The following DSG4 variants were observed in gnomAD, a reference collection of about 807,000 sequenced individuals.
The protein encoded by DSG4 is desmoglein-4.
DSG4 carries 87 observed loss-of-function variants against 93.1 expected under a neutral mutation model. The observed-to-expected ratio is 0.93, with a 90% confidence interval of 0.79 to 1.12. The LOEUF (loss-of-function observed/expected upper bound fraction) is 1.12, where lower values mean the gene tolerates loss of function less well. DSG4 is among the 50% of genes most tolerant of loss of function. The pLI, the probability that DSG4 is intolerant of heterozygous loss-of-function variation, is 0.00. For missense variants in DSG4, 1,373 were observed against 1,285.7 expected, an observed-to-expected ratio of 1.07 and a Z score of -1.04; for synonymous variants, 432 against 452.9, an observed-to-expected ratio of 0.95 and a Z score of 0.59.
intron 10 of DSG4, among the ~76,000 whole-genome samples, chr18:31,401,945 A>G (rs2072372811): frequency 6.6e-6 from 1 of 152,206 alleles, no homozygotes; most frequent in Non-Finnish European, 1.5e-5. Flanking sequence ...TGTGGCGGGT[A>G]AATTTTAACG....
chr18:31,403,736 C>T (rs1218103870), intron 11 of DSG4, 102 bp downstream of exon 11: 2 of 1,040,482 alleles, frequency 1.9e-6, no homozygotes, highest in Non-Finnish European at 2.9e-6. Context: ...ACTTCTGTTT[C>T]CACAGTTCTT....
chr18:31,385,167 T>C lies in DSG4; in HGVS notation c.80T>C (p.Val27Ala), dbSNP rs369208184. The C allele has an allele frequency of 3.4e-5, 54 of 1,589,104 alleles. No individual in the cohort carries two copies. The highest frequency in any genetic ancestry group is 4.4e-5 in the Non-Finnish European group (51 of 1,163,008). Residue 27 changes from valine (V) to alanine (A), a missense_variant, in exon 2 of 16, where the codon GTT (valine) becomes GCT (alanine). By Grantham distance (64) the Val-to-Ala change is moderately conservative. Transcript: ENST00000308128. ...ATGGAAGTAAACAGTGAATTTATTG[T>C]TGAGGTAATGTAAAATAAAATTATT... ...VVMEVNSEFI[V>A]EVKEFDIENG...
At chr18:31,400,840 T>G (rs768979719) in intron 9 of DSG4, 41 bp from the exon 10 acceptor site, 2 of 1,604,778 alleles carry the variant, frequency 1.2e-6, no homozygotes, top group South Asian at 2.2e-5. Context: ...AGTACTAACT[T>G]TCATAAAAGC....
At chr18:31,396,547 G>T (rs1238920978) in intron 8 of DSG4, among the ~76,000 whole-genome samples, 2 of 151,808 alleles carry the variant, frequency 1.3e-5, no homozygotes, top group Non-Finnish European at 2.9e-5. Context: ...TAGAGACGGG[G>T]TTTCACCATT....
At chr18:31,397,438 C>T (rs1305865440) in intron 8 of DSG4, among the ~76,000 whole-genome samples, 1 of 152,150 alleles carries the variant, frequency 6.6e-6, no homozygotes, top group African/African-American at 2.4e-5. Context: ...TCTTTACAAT[C>T]CTTGACCTCT....
intron 2 of DSG4, among the ~76,000 whole-genome samples, chr18:31,386,115 T>G (rs2072184149): frequency 6.6e-6 from 1 of 152,124 alleles, no homozygotes; most frequent in South Asian, 2.1e-4. Flanking sequence ...CATGGGATTA[T>G]TGGAGGAATC....
At chr18:31,392,549 G>C (rs753517511) in intron 8 of DSG4, among the ~76,000 whole-genome samples, 4 of 152,160 alleles carry the variant, frequency 2.6e-5, no homozygotes, top group African/African-American at 9.7e-5. Context: ...TATGAAGACT[G>C]TTTTGTTCTG....
chr18:31,403,497 AAAG>A lies in DSG4; in HGVS notation c.1505_1507del (p.Arg502del), dbSNP rs2072391942. ...GATTATTGTCCAAACATTTTTCCTG[AAAG>A]AAGAACCATCTGCATTGACTCTCCA... On this transcript the variant is annotated inframe_deletion, in exon 11 of 16. Coordinates refer to ENST00000308128, the MANE Select transcript of DSG4 (RefSeq NM_177986.5). The A allele has an allele frequency of 1.2e-6, 2 of 1,614,110 alleles. No homozygotes were observed. Among genetic ancestry groups the A allele is most frequent in the Non-Finnish European group, 1.7e-6 (2 of 1,179,990 alleles).
Position 31,413,535 on chromosome 18 carries a change from C to A in DSG4, c.3063C>A (p.Ser1021=). 6.2e-7 allele frequency: 1 copy of A among 1,613,996 alleles called. No individual in the cohort carries two copies. The highest frequency in any genetic ancestry group is 1.3e-5 in the African/African-American group (1 of 74,968). ...LPIGQTVGST[S]PMTSRHRVTR... is the part of the protein sequence containing the mutation. ...TAGGCCAAACCGTTGGCTCCACATC[C>A]CCCATGACATCTCGACACAGAGTAA... Residue 1021 remains serine, a synonymous_variant, in exon 16 of 16, where the codon TCC becomes TCA. Transcript: ENST00000308128.
intron 8 of DSG4, among the ~76,000 whole-genome samples, chr18:31,397,585 G>A (rs1304153267): frequency 6.6e-6 from 1 of 152,144 alleles, no homozygotes; most frequent in Non-Finnish European, 1.5e-5. Flanking sequence ...TAGATTATGT[G>A]AAGATCTTTA....
Position 31,403,456 on chromosome 18 carries a change from G to C in DSG4, c.1458G>C (p.Glu486Asp), listed in dbSNP as rs765767210. The change falls in exon 11 of 16, where the codon GAG (glutamate) becomes GAC (aspartate). Residue 486 changes from glutamate (E) to aspartate (D), a missense_variant. Physicochemically the swap from Glu to Asp is conservative, Grantham distance 45. Transcript: ENST00000308128. ...CAGCTACAGGAACCATATGTATTGA[G>C]GTTCCTGATATCAATGATTATTGTC... ...GKTATGTICI[E>D]VPDINDYCPN... 1.9e-6 allele frequency: 3 copies of C among 1,613,714 alleles called. No individual in the cohort carries two copies. The highest frequency in any genetic ancestry group is 1.7e-6 in the Non-Finnish European group (2 of 1,179,838).
intron 12 of DSG4, among the ~76,000 whole-genome samples, chr18:31,407,654 T>TA (rs1293525379): frequency 1.3e-5 from 2 of 152,210 alleles, no homozygotes; most frequent in South Asian, 4.1e-4. Context: ...TTTCAAGGCA[T>TA]AAAAAATAAC....
chr18:31,394,706 T>G (rs1239349918), intron 8 of DSG4, among the ~76,000 whole-genome samples: 2 of 148,456 alleles, frequency 1.3e-5, no homozygotes, highest in African/African-American at 4.9e-5. Context: ...GGAATGGGTA[T>G]AGGAGACATT....
At position 31,406,134 on chromosome 18, in the gene DSG4, C is replaced by T. The variant is rs371449368; in HGVS notation, c.1694C>T (p.Pro565Leu). ...QVLSPGFYEIPILVKDSYNRA... is the reference protein window; with the variant it reads ...QVLSPGFYEILILVKDSYNRA... ...TTATCTCCAGGATTTTATGAAATCCCAATCCTGGTGAAGGACAGCTATAAC... is the reference window on the plus strand; with the variant it reads ...TTATCTCCAGGATTTTATGAAATCCTAATCCTGGTGAAGGACAGCTATAAC... Residue 565 changes from proline (P) to leucine (L), a missense_variant, in exon 12 of 16, where the codon CCA (proline) becomes CTA (leucine). Physicochemically the swap from Pro to Leu is moderately conservative, Grantham distance 98. Transcript: ENST00000308128. The T allele has an allele frequency of 6.1e-5, 98 of 1,613,972 alleles. No homozygotes were observed. Among genetic ancestry groups the T allele is most frequent in the Non-Finnish European group, 8.1e-5 (96 of 1,180,032 alleles).
At chr18:31,408,353 G>A (rs2072449990) in intron 12 of DSG4, among the ~76,000 whole-genome samples, 1 of 152,222 alleles carries the variant, frequency 6.6e-6, no homozygotes, top group African/African-American at 2.4e-5. Context: ...TAAATTCACA[G>A]AAATATAGAA....
At chr18:31,385,031 A>G in intron 1 of DSG4, 105 bp from the exon 2 acceptor site, 3 of 997,120 alleles carry the variant, frequency 3.0e-6, no homozygotes, top group Non-Finnish European at 4.7e-6. Context: ...AACAAAATGT[A>G]TATTTAAAAA....
At chr18:31,411,143 G>T (rs1473797999) in intron 14 of DSG4, 88 bp from the exon 15 acceptor site, 4 of 1,613,374 alleles carry the variant, frequency 2.5e-6, no homozygotes, top group Non-Finnish European at 3.4e-6. Flanking sequence ...GGGTGGTGGT[G>T]GCACCGCAGA....
chr18:31,403,650 G>C lies in DSG4; in HGVS notation c.1636+16G>C. 3 of 1,613,490 alleles carry C rather than the reference G, an allele frequency of 1.9e-6. No individual in the cohort carries two copies. The highest frequency in any genetic ancestry group is 2.5e-6 in the Non-Finnish European group (3 of 1,179,572). On this transcript the variant is annotated intron_variant, in intron 11 of 15. Coordinates refer to ENST00000308128, the MANE Select transcript of DSG4 (RefSeq NM_177986.5). ...TCAACAAATGGTAAGTGAAACGTAA[G>C]CTTGTTTTTTGGACTTTAAGTCCAA... is the stretch of plus-strand genomic sequence containing the variant.
Position 31,406,315 on chromosome 18 carries a change from T to C in DSG4, c.1875T>C (p.Asn625=). 1 of 1,614,218 alleles carries C rather than the reference T, an allele frequency of 6.2e-7. No individual in the cohort carries two copies. The highest frequency in any genetic ancestry group is 8.5e-7 in the Non-Finnish European group (1 of 1,180,040). The change falls in exon 12 of 16, where the codon AAT becomes AAC. Residue 625 remains asparagine, a synonymous_variant. Transcript: ENST00000308128. Reference sequence around the variant, plus strand: ...CTGAAGACCAAGCTGGAGTTTCAAATGTTGGTCTTGGACCAGCAGGGATTG... The same window carrying C: ...CTGAAGACCAAGCTGGAGTTTCAAACGTTGGTCTTGGACCAGCAGGGATTG... ...PVTEDQAGVS[N]VGLGPAGIGM...
Sources: gnomAD v4.1 joint callset for allele counts (sites outside exome capture counted in the v4.1 genomes callset) on GRCh38, gnomAD v4.1.1 for gene constraint, MANE v1.5 for transcripts, NCBI Gene and HGNC (gene_info 2026-07-23, HGNC 2026-07-21) for gene names.